FTCDNL1: variants seen among roughly 807,000 people sequenced by gnomAD.
FTCDNL1 encodes formiminotransferase cyclodeaminase N-terminal like.
FTCDNL1 carries 11 observed loss-of-function variants against 5.9 expected under a neutral mutation model. That is an observed-to-expected ratio of 1.87 (90% CI 1.18 to 3.10). FTCDNL1 has a LOEUF of 3.10. Ranked by LOEUF, FTCDNL1 falls within the 30% of genes most tolerant of loss-of-function variation. FTCDNL1 has a pLI of 0.00. For synonymous variants in FTCDNL1, 58 were observed against 24.8 expected (o/e 2.34, Z -3.99); for missense variants, 115 against 65.5 (o/e 1.76, Z -2.61).
chr2:199,721,689 A>C, the FTCDNL1 span, among the ~76,000 whole-genome samples: 1 of 152,166 alleles, frequency 6.6e-6, no homozygotes, highest in African/African-American at 2.4e-5. Flanking sequence ...TAGCTCTTTA[A>C]AGAATCACCA....
the FTCDNL1 span, among the ~76,000 whole-genome samples, chr2:199,701,102 C>G: frequency 2.0e-5 from 3 of 151,936 alleles, no homozygotes; most frequent in Non-Finnish European, 4.4e-5. Flanking sequence ...TTATCTATTT[C>G]AGAAAAATCA....
chr2:199,684,272 C>T, the FTCDNL1 span, among the ~76,000 whole-genome samples: 2 of 152,178 alleles, frequency 1.3e-5, no homozygotes, highest in Admixed American at 1.3e-4. Context: ...TTAGACAAAT[C>T]TTCTGTCTGC....
At chr2:199,710,573 C>T in the FTCDNL1 span, among the ~76,000 whole-genome samples, 3 of 152,038 alleles carry the variant, frequency 2.0e-5, no homozygotes, top group African/African-American at 7.2e-5. Context: ...TGAGATTCAA[C>T]TGTATAATAT....
chr2:199,746,919 A>G, the FTCDNL1 span, among the ~76,000 whole-genome samples: 1 of 152,054 alleles, frequency 6.6e-6, no homozygotes, highest in Non-Finnish European at 1.5e-5. Context: ...CCACTACCTT[A>G]AACGTCTTGG....
intron 3 of FTCDNL1, among the ~76,000 whole-genome samples, chr2:199,763,050 T>C (rs547235400): frequency 6.6e-6 from 1 of 152,120 alleles, no homozygotes. Flanking sequence ...AGTGAAGGAG[T>C]GAAAGAGACA....
At chr2:199,667,230 T>A in the FTCDNL1 span, among the ~76,000 whole-genome samples, 1 of 152,208 alleles carries the variant, frequency 6.6e-6, no homozygotes, top group Non-Finnish European at 1.5e-5. Context: ...CTGTCCATTA[T>A]TACTCTAACT....
intron 4 of FTCDNL1, among the ~76,000 whole-genome samples, chr2:199,817,983 CAT>C (rs1701454872): frequency 6.6e-6 from 1 of 152,170 alleles, no homozygotes. Context: ...CTTTAACTCA[CAT>C]ATGATTTTTA....
intron 3 of FTCDNL1, among the ~76,000 whole-genome samples, chr2:199,833,504 AG>A (rs1225197267): frequency 1.3e-5 from 2 of 152,246 alleles, no homozygotes; most frequent in Non-Finnish European, 2.9e-5. Context: ...TTCCCCAAAG[AG>A]TAGTTCAGAT....
Position 199,819,658 on chromosome 2 carries a change from T to C in FTCDNL1, c.311A>G (p.Lys104Arg), listed in dbSNP as rs1044934138. ...PEKRSLVQRR[K>R]QLGWFTRRDF... ...CCTCCTCGTGAACCAGCCCAGCTGCTTCCTTCTCTGCACAAGACTGCGCTT... is the reference window on the plus strand; with the variant it reads ...CCTCCTCGTGAACCAGCCCAGCTGCCTCCTTCTCTGCACAAGACTGCGCTT... The change falls in exon 4 of 5, where the codon AAG (lysine) becomes AGG (arginine). Residue 104 changes from lysine (K) to arginine (R), a missense_variant. Physicochemically the swap from Lys to Arg is conservative, Grantham distance 26. Transcript: ENST00000420128. The C allele has an allele frequency of 5.7e-6, 4 of 702,330 alleles. No homozygotes were observed. The highest frequency in any genetic ancestry group is 1.7e-5 in the African/African-American group (1 of 57,368). The allele number at this position is 702,330 out of a possible 1,614,324, so 43.5% of individuals were successfully genotyped here. A position where few individuals can be genotyped will look rare whatever the true frequency, so the allele number is the denominator to read the frequency against.
At chr2:199,673,999 T>A in the FTCDNL1 span, among the ~76,000 whole-genome samples, 1 of 152,162 alleles carries the variant, frequency 6.6e-6, no homozygotes, top group African/African-American at 2.4e-5. Context: ...TGGAAATGTA[T>A]CTGCTATTTT....
chr2:199,743,795 G>A, the FTCDNL1 span, among the ~76,000 whole-genome samples: 1 of 152,108 alleles, frequency 6.6e-6, no homozygotes, highest in Non-Finnish European at 1.5e-5. Context: ...TTTCAGAATT[G>A]AAGGGAATAG....
At chr2:199,674,034 T>C in the FTCDNL1 span, among the ~76,000 whole-genome samples, 1 of 152,166 alleles carries the variant, frequency 6.6e-6, no homozygotes, top group Non-Finnish European at 1.5e-5. Flanking sequence ...TAGAAACGGC[T>C]CTTACATTTT....
chr2:199,681,013 G>A, the FTCDNL1 span, among the ~76,000 whole-genome samples: 1 of 152,200 alleles, frequency 6.6e-6, no homozygotes, highest in African/African-American at 2.4e-5. Context: ...AAGAAAAGTG[G>A]GAAATGCTCT....
chr2:199,717,711 AATGAGGGAGAGTAGGGCAAGGCTTG>A, the FTCDNL1 span, among the ~76,000 whole-genome samples: 1 of 151,896 alleles, frequency 6.6e-6, no homozygotes, highest in African/African-American at 2.4e-5. Flanking sequence ...CCTATGAGAC[AATGAGGGAGAGTAGGGCAAGGCTTG>A]ACTTAGTGCT....
chr2:199,737,103 G>A, the FTCDNL1 span, among the ~76,000 whole-genome samples: 2 of 152,240 alleles, frequency 1.3e-5, no homozygotes, highest in African/African-American at 4.8e-5. Context: ...TCTGAGAGCT[G>A]TGATGTTGTT....
chr2:199,777,676 A>C (rs1215398789), intron 3 of FTCDNL1, among the ~76,000 whole-genome samples: 1 of 152,174 alleles, frequency 6.6e-6, no homozygotes, highest in African/African-American at 2.4e-5. Flanking sequence ...CATTCACATA[A>C]TGAGGCTTTC....
chr2:199,780,253 T>A (rs1455497057), intron 3 of FTCDNL1, among the ~76,000 whole-genome samples: 1 of 152,116 alleles, frequency 6.6e-6, no homozygotes, highest in African/African-American at 2.4e-5. Context: ...GGCCCTTATA[T>A]CCCTGAGTCC....
downstream of FTCDNL1, among the ~76,000 whole-genome samples, chr2:199,807,383 A>C (rs1700782902): frequency 6.6e-6 from 1 of 152,196 alleles, no homozygotes; most frequent in East Asian, 1.9e-4. Flanking sequence ...TACACCTGTA[A>C]TCCCAGTACT....
chr2:199,808,267 T>A (rs569036505), downstream of FTCDNL1, among the ~76,000 whole-genome samples: 1 of 152,244 alleles, frequency 6.6e-6, no homozygotes, highest in Admixed American at 6.5e-5. Flanking sequence ...TATTTCTTTA[T>A]AGCAATACAA....
Sources: gnomAD v4.1 joint callset for allele counts (sites outside exome capture counted in the v4.1 genomes callset) on GRCh38, gnomAD v4.1.1 for gene constraint, MANE v1.5 for transcripts, NCBI Gene and HGNC (gene_info 2026-07-23, HGNC 2026-07-21) for gene names.